The following USP44 variants were observed in gnomAD, a reference collection of about 807,000 sequenced individuals.
USP44 encodes ubiquitin carboxyl-terminal hydrolase 44.
In USP44, 61 loss-of-function variants were observed where a neutral mutation model predicts 69.0. The observed-to-expected ratio is 0.88, with a 90% CI of 0.72 to 1.09. The LOEUF (loss-of-function observed/expected upper bound fraction) is 1.09. Ranked by LOEUF, USP44 falls within the 50% of genes least tolerant of loss-of-function variation. The probability of loss-of-function intolerance (pLI) is 0.00; values close to 1 mark genes in which losing one functional copy is unlikely to be tolerated. For missense variants in USP44, 753 were observed against 849.9 expected, an observed-to-expected ratio of 0.89 and a Z score of 1.42; for synonymous variants, 297 against 295.4, an observed-to-expected ratio of 1.01 and a Z score of -0.06.
intron 3 of USP44, among the ~76,000 whole-genome samples, chr12:95,526,958 A>G (rs1016893780): frequency 2.0e-5 from 3 of 152,014 alleles, no homozygotes; most frequent in African/African-American, 7.2e-5. Context: ...TTGGTTACAT[A>G]AATAAGTTCT....
chr12:95,542,073 G>A (rs560423734), intron 1 of USP44, among the ~76,000 whole-genome samples: 3 of 151,886 alleles, frequency 2.0e-5, no homozygotes, highest in Non-Finnish European at 4.4e-5. Flanking sequence ...TAGAGATGGG[G>A]TTTCATCATT....
chr12:95,540,401 GGT>G (rs2077350577), intron 1 of USP44, among the ~76,000 whole-genome samples: 1 of 144,870 alleles, frequency 6.9e-6, no homozygotes, highest in African/African-American at 2.6e-5. Flanking sequence ...GGAGTGCAAT[GGT>G]GTGATCTTGG....
chr12:95,534,678 T>C (rs1227486606), intron 1 of USP44, among the ~76,000 whole-genome samples: 1 of 40,952 alleles, frequency 2.4e-5, no homozygotes, highest in Non-Finnish European at 4.2e-5. Context: ...CTGCATTCCC[T>C]TTTTTTTTTT....
chr12:95,546,546 T>C (rs533694491), intron 1 of USP44: 2 of 152,334 alleles, frequency 1.3e-5, no homozygotes, highest in East Asian at 1.9e-4. Context: ...ATTCAGAGAA[T>C]TATTCGGGCA....
intron 3 of USP44, among the ~76,000 whole-genome samples, chr12:95,526,007 C>T (rs2076821893): frequency 6.6e-6 from 1 of 152,224 alleles, no homozygotes; most frequent in South Asian, 2.1e-4. Context: ...TCTGGATTGT[C>T]TCCTAGCACA....
At position 95,517,792 on chromosome 12, in the gene USP44, T is replaced by G. The variant is rs1440085706; in HGVS notation, c.*362A>C. On this transcript the variant is annotated 3_prime_UTR_variant, in exon 6 of 6. Coordinates refer to ENST00000258499, the MANE Select transcript of USP44 (RefSeq NM_032147.5). ...CCAAAGTAGAGTCTAATTTTCCATC[T>G]ATTAAGAATTTGTATAGAAAATACC... 1 of 173,500 alleles carries G rather than the reference T, an allele frequency of 5.8e-6. No individual in the cohort carries two copies. Among genetic ancestry groups the G allele is most frequent in the East Asian group, 1.6e-4 (1 of 6,366 alleles). The allele number at this position is 173,500 out of a possible 1,614,324, so 10.7% of individuals were successfully genotyped here. A position where few individuals can be genotyped will look rare whatever the true frequency, so the allele number is the denominator to read the frequency against.
intron 2 of USP44, among the ~76,000 whole-genome samples, chr12:95,530,646 T>TATAGATAGATAGATAG (rs56051106): frequency 4.9e-4 from 72 of 147,452 alleles, no homozygotes; most frequent in East Asian, 2.4e-3. Context: ...CTACTGGAAA[T>TATAGATAGATAGATAG]ATAGATAGAT....
chr12:95,548,739 C>A lies in USP44; in HGVS notation c.-71+2533G>T, dbSNP rs1276646508. 5 of 149,718 alleles carry A rather than the reference C, an allele frequency of 3.3e-5. No homozygotes were observed. Among genetic ancestry groups the A allele is most frequent in the Admixed American group, 2.7e-4 (4 of 14,956 alleles). The allele number at this position is 149,718 out of a possible 1,614,324, so 9.3% of individuals were successfully genotyped here. ...CCGCAGGGGTCCTCACTCCGCCAATCGCCGCGGCCGCGCGCCCTCGCGCAC... is the reference window on the plus strand; with the variant it reads ...CCGCAGGGGTCCTCACTCCGCCAATAGCCGCGGCCGCGCGCCCTCGCGCAC... On this transcript the variant is annotated intron_variant, in intron 1 of 5. Transcript: ENST00000258499. This position sits in a 1 kb window ranked among gnomAD's most constrained non-coding sequence, Gnocchi z 4.1.
rs1356368571 is a variant in USP44 at position 95,521,052 on chromosome 12, A to G, written c.1884T>C (p.His628=). 6.2e-7 allele frequency: 1 copy of G among 1,614,002 alleles called. No individual in the cohort carries two copies. Among genetic ancestry groups the G allele is most frequent in the African/African-American group, 1.3e-5 (1 of 74,902 alleles). ...IYDLSAVVMH[H]GKGFGSGHYT... Reference sequence around the variant, plus strand: ...AGTGCCCTGAGCCAAATCCTTTCCCATGGTGCATCACCACCGCGGACAAGT... The same window carrying G: ...AGTGCCCTGAGCCAAATCCTTTCCCGTGGTGCATCACCACCGCGGACAAGT... Residue 628 remains histidine, a synonymous_variant, in exon 5 of 6, where the codon CAT becomes CAC. Transcript: ENST00000258499.
chr12:95,540,477 G>C (rs1030035434), intron 1 of USP44, among the ~76,000 whole-genome samples: 8 of 151,756 alleles, frequency 5.3e-5, no homozygotes, highest in African/African-American at 1.9e-4. Context: ...CGAGTAGCTG[G>C]GATTACAGGC....
intron 4 of USP44, chr12:95,521,977 A>G: frequency 3.3e-6 from 3 of 917,442 alleles, no homozygotes; most frequent in Non-Finnish European, 3.9e-6. Flanking sequence ...GCTGTGTGTA[A>G]GTCAGCACAA....
Position 95,551,358 on chromosome 12 carries a change from C to T in USP44, c.-157G>A, listed in dbSNP as rs1445594261. 1 of 152,536 alleles carries T rather than the reference C, an allele frequency of 6.6e-6. No homozygotes were observed. Among genetic ancestry groups the T allele is most frequent in the Admixed American group, 6.6e-5 (1 of 15,258 alleles). 9.4% of individuals were successfully genotyped at this position (152,536 alleles called of 1,614,324 possible). ...CCCTGCAGGATCGCCCAGTTTCCAT[C>T]AGGGCAAATGCTGATCTCCTAAGTG... On this transcript the variant is annotated 5_prime_UTR_variant, in exon 1 of 6. The change abolishes the stop of an existing upstream ORF in the 5' untranslated region. Transcript: ENST00000258499.
intron 5 of USP44, among the ~76,000 whole-genome samples, 200 bp from the exon 6 acceptor site, chr12:95,518,553 T>C (rs2076549360): frequency 6.6e-6 from 1 of 152,260 alleles, no homozygotes; most frequent in African/African-American, 2.4e-5. Context: ...TTTCACAGCA[T>C]GTGACTGATT....
At position 95,518,121 on chromosome 12, in the gene USP44, A is replaced by C. The variant is rs2076532409; in HGVS notation, c.*33T>G. On this transcript the variant is annotated 3_prime_UTR_variant, in exon 6 of 6. Coordinates refer to ENST00000258499, the MANE Select transcript of USP44 (RefSeq NM_032147.5). ...TCAGTCTTTTAAAAAGTATATATAT[A>C]AATCACAGGAAGAAAACCCCATTGT... 6.2e-7 allele frequency: 1 copy of C among 1,608,420 alleles called. No individual in the cohort carries two copies. The highest frequency in any genetic ancestry group is 8.5e-7 in the Non-Finnish European group (1 of 1,175,724).
chr12:95,533,282 T>G lies in USP44; in HGVS notation c.975A>C (p.Pro325=). The change falls in exon 2 of 6, where the codon CCA becomes CCC. Residue 325 remains proline, a synonymous_variant. Coordinates refer to ENST00000258499, the MANE Select transcript of USP44 (RefSeq NM_032147.5). ...TTTGATATACTACTGTATCTGTGAC[T>G]GGTGGATGCTTACAAGATCTTGTCT... ...SEKTRSCKHP[P]VTDTVVYQMN... 5 of 1,614,162 alleles carry G rather than the reference T, an allele frequency of 3.1e-6. No homozygotes were observed. The highest frequency in any genetic ancestry group is 3.4e-6 in the Non-Finnish European group (4 of 1,180,044).
rs2077123933 is a variant in USP44 at position 95,534,176 on chromosome 12, C to T, written c.81G>A (p.Trp27Ter). Residue 27 changes from tryptophan to a stop codon, truncating the protein, a stop_gained, in exon 2 of 6, where the codon TGG becomes TGA. Coordinates refer to ENST00000258499, the MANE Select transcript of USP44 (RefSeq NM_032147.5). LOFTEE classifies it high-confidence loss of function. The stretch of plus-strand genomic sequence containing the variant: ...CGGTCGTGTTGCAGTCCACACAGTG[C>T]CATTTCTGAGGGTTGAGGCTGGAAT... ...QDHSSLNPQKWHCVDCNTTES... is the reference protein window; with the variant it reads ...QDHSSLNPQK 4 of 1,614,002 alleles carry T rather than the reference C, an allele frequency of 2.5e-6. No individual in the cohort carries two copies. Among genetic ancestry groups the T allele is most frequent in the Non-Finnish European group, 2.5e-6 (3 of 1,180,020 alleles).
At chr12:95,525,772 C>T (rs2076815139) in intron 3 of USP44, among the ~76,000 whole-genome samples, 1 of 152,198 alleles carries the variant, frequency 6.6e-6, no homozygotes, top group Admixed American at 6.5e-5. Flanking sequence ...TATGGACTGT[C>T]CTGGAGCTGG....
rs766432850 is a variant in USP44 at position 95,534,278 on chromosome 12, T to C, written c.-22A>G. 1.3e-6 allele frequency: 2 copies of C among 1,585,716 alleles called. No individual in the cohort carries two copies. The highest frequency in any genetic ancestry group is 2.3e-5 in the South Asian group (2 of 86,784). ...GCATTTATTTAGTCTAGCTGAGAAA[T>C]GCATAATCCAAACAAGTCTCTGTTC... is the stretch of plus-strand genomic sequence containing the variant. On this transcript the variant is annotated 5_prime_UTR_variant, in exon 2 of 6. Coordinates refer to ENST00000258499, the MANE Select transcript of USP44 (RefSeq NM_032147.5).
At chr12:95,536,364 G>A (rs1024054294) in intron 1 of USP44, among the ~76,000 whole-genome samples, 2 of 151,852 alleles carry the variant, frequency 1.3e-5, no homozygotes, top group Admixed American at 1.3e-4. Flanking sequence ...CGTTTTAAGT[G>A]CACATTTTAA....
Sources: allele counts gnomAD v4.1 joint callset (sites outside exome capture counted in the v4.1 genomes callset), GRCh38; gene constraint gnomAD v4.1.1; non-coding constraint Gnocchi (gnomAD v3.1); transcripts MANE v1.5; gene names NCBI Gene and HGNC (gene_info 2026-07-23, HGNC 2026-07-21).